Variants in IL1RAPL1 observed in about 807,000 individuals in gnomAD.
IL1RAPL1 encodes the protein interleukin-1 receptor accessory protein-like 1.
IL1RAPL1 carries 3 observed loss-of-function variants against 48.4 expected under a neutral mutation model. That is an observed-to-expected ratio of 0.06 (90% CI 0.03 to 0.16). The LOEUF (loss-of-function observed/expected upper bound fraction) is 0.16, where lower values mean the gene tolerates loss of function less well. IL1RAPL1 is among the 10% of genes least tolerant of loss of function. The pLI is 1.00. For synonymous variants in IL1RAPL1, 185 were observed against 187.7 expected (o/e 0.99, Z 0.12); for missense variants, 349 against 530.6 (o/e 0.66, Z 3.36).
chrX:28,962,870 G>T (rs1347865864), intron 2 of IL1RAPL1, among the ~76,000 whole-genome samples: 1 of 98,076 alleles, frequency 1.0e-5, no homozygotes. Context: ...AGATGATTGT[G>T]TGTCTGTGTG....
intron 2 of IL1RAPL1, among the ~76,000 whole-genome samples, chrX:29,252,134 A>T (rs768351580): frequency 1.9e-5 from 2 of 105,690 alleles, no homozygotes; most frequent in East Asian, 3.2e-4. Context: ...GGGAGGGGGG[A>T]GGGATAGCTT....
chrX:29,299,451 C>A (rs1389941550), intron 3 of IL1RAPL1, among the ~76,000 whole-genome samples: 1 of 111,533 alleles, frequency 9.0e-6, no homozygotes, highest in East Asian at 2.8e-4. Flanking sequence ...TTTTCTCTCT[C>A]CTATTAACAA....
intron 5 of IL1RAPL1, among the ~76,000 whole-genome samples, chrX:29,520,913 T>G (rs1935495747): frequency 9.0e-6 from 1 of 111,356 alleles, no homozygotes; most frequent in Non-Finnish European, 1.9e-5. Flanking sequence ...AAGGGAGTAG[T>G]GTCTGAATTT....
intron 2 of IL1RAPL1, among the ~76,000 whole-genome samples, chrX:28,897,953 G>A (rs912051018): frequency 3.6e-5 from 4 of 111,184 alleles, no homozygotes; most frequent in Non-Finnish European, 7.5e-5. Context: ...GAGCCAGGAT[G>A]AGCCAGGAGA....
At chrX:29,539,686 G>T (rs772372972) in intron 5 of IL1RAPL1, among the ~76,000 whole-genome samples, 3 of 110,443 alleles carry the variant, frequency 2.7e-5, no homozygotes, top group African/African-American at 9.9e-5. Context: ...GCACCTCCCC[G>T]TCTCTTTCTT....
chrX:29,492,027 GAATGACAA>G (rs1331122058), intron 5 of IL1RAPL1, among the ~76,000 whole-genome samples: 1 of 112,082 alleles, frequency 8.9e-6, no homozygotes, highest in African/African-American at 3.2e-5. Flanking sequence ...GGTACATTTG[GAATGACAA>G]ACATGCAGTT....
chrX:28,687,826 G>T (rs1935130223), intron 1 of IL1RAPL1, among the ~76,000 whole-genome samples: 1 of 109,937 alleles, frequency 9.1e-6, no homozygotes, highest in South Asian at 3.9e-4. Flanking sequence ...GGCAGGGGGT[G>T]CGCGGTGGCT....
chrX:29,760,380 A>G (rs893739400), intron 6 of IL1RAPL1, among the ~76,000 whole-genome samples: 1 of 111,863 alleles, frequency 8.9e-6, no homozygotes, highest in Non-Finnish European at 1.9e-5. Flanking sequence ...TTACCACCAG[A>G]AACAATTGGG....
At chrX:28,727,643 C>G (rs1464462391) in intron 1 of IL1RAPL1, among the ~76,000 whole-genome samples, 6 of 104,222 alleles carry the variant, frequency 5.8e-5, no homozygotes, top group East Asian at 6.2e-4. Context: ...CCAGTTTTTG[C>G]CCATTCAGTA....
intron 5 of IL1RAPL1, among the ~76,000 whole-genome samples, chrX:29,631,436 T>A (rs1924772484): frequency 9.0e-6 from 1 of 111,038 alleles, no homozygotes; most frequent in Admixed American, 9.6e-5. Flanking sequence ...CATGCCCAGC[T>A]ATTTTTTTCT....
chrX:28,614,377 C>G (rs1381568582), intron 1 of IL1RAPL1, among the ~76,000 whole-genome samples: 8 of 111,135 alleles, frequency 7.2e-5, no homozygotes, highest in Non-Finnish European at 1.9e-5. Flanking sequence ...TCACACAATT[C>G]CTACCTTTAG....
chrX:29,536,452 G>A (rs1281757095), intron 5 of IL1RAPL1, among the ~76,000 whole-genome samples: 1 of 110,819 alleles, frequency 9.0e-6, no homozygotes, highest in Admixed American at 9.5e-5. Context: ...TCAGAAAAAT[G>A]TGAAGGTTTG....
At chrX:29,706,502 G>C (rs1450645761) in intron 6 of IL1RAPL1, among the ~76,000 whole-genome samples, 1 of 111,495 alleles carries the variant, frequency 9.0e-6, no homozygotes, top group Non-Finnish European at 1.9e-5. Flanking sequence ...TTCCAAATGG[G>C]GGAAATTGAC....
At chrX:29,818,425 C>CTTCTA (rs200324180) in intron 6 of IL1RAPL1, among the ~76,000 whole-genome samples, 3,345 of 112,367 alleles carry the variant, frequency 0.03, 125 homozygotes, top group African/African-American at 0.1. Flanking sequence ...TTTCATCCCT[C>CTTCTA]TTCTATAGAG....
At chrX:28,846,262 A>T (rs1032300107) in intron 2 of IL1RAPL1, among the ~76,000 whole-genome samples, 2 of 111,998 alleles carry the variant, frequency 1.8e-5, no homozygotes, top group African/African-American at 6.5e-5. Flanking sequence ...TAGCTGATTT[A>T]TTTTTAGCAC....
chrX:28,819,961 CATAGTGATATATATATATATAT>C (rs1355631200), intron 2 of IL1RAPL1, among the ~76,000 whole-genome samples: 20 of 59,103 alleles, frequency 3.4e-4, no homozygotes, highest in Non-Finnish European at 4.8e-4. Context: ...ACTGCATAAA[CATAGTGATATATATATATATAT>C]ATATATATAT....
rs180805458 is a variant in IL1RAPL1 at position 28,598,300 on chromosome X, T to C, written c.-25+10253T>C. On this transcript the variant is annotated intron_variant, in intron 1 of 10. Transcript: ENST00000378993. ...TCCTAGTAATAAAAAATCCCCATGC[T>C]AGTTTAGTTTAAATTATTTTTCTTA... Among the ~76,000 whole-genome samples, 16 of 112,121 alleles carry C rather than the reference T, an allele frequency of 1.4e-4. No individual in the cohort carries two copies. In the East Asian group the frequency reaches 4.2e-3, roughly 30 times the overall value.
chrX:28,789,328 C>T lies in IL1RAPL1; in HGVS notation c.-16C>T. 1 of 1,173,522 alleles carries T rather than the reference C, an allele frequency of 8.5e-7. No individual in the cohort carries two copies. Among genetic ancestry groups the T allele is most frequent in the Non-Finnish European group, 1.2e-6 (1 of 860,953 alleles). On this transcript the variant is annotated 5_prime_UTR_variant, in exon 2 of 11. Coordinates refer to ENST00000378993, the MANE Select transcript of IL1RAPL1 (RefSeq NM_014271.4). ...TTTAATCTTTGCTTTAGGGAACGGC[C>T]TTTAAGAGCTGGAAGATGAAAGCTC...
intron 5 of IL1RAPL1, among the ~76,000 whole-genome samples, chrX:29,633,349 G>T (rs1358747364): frequency 2.7e-5 from 3 of 110,674 alleles, no homozygotes. Flanking sequence ...TTGCTGAGAA[G>T]AGGTGGAATG....
Sources: gnomAD v4.1 joint callset for allele counts (sites outside exome capture counted in the v4.1 genomes callset) on GRCh38, gnomAD v4.1.1 for gene constraint, MANE v1.5 for transcripts, NCBI Gene and HGNC (gene_info 2026-07-23, HGNC 2026-07-21) for gene names.